The following AP1G1 variants were observed in gnomAD, a reference collection of about 807,000 sequenced individuals.
The protein encoded by AP1G1 is adaptor related protein complex 1 subunit gamma 1.
Under a neutral mutation model 108.3 loss-of-function variants are expected in AP1G1, and 7 were observed. The ratio of observed to expected loss-of-function variants is 0.06; its 90% CI spans 0.04 to 0.12. The LOEUF (loss-of-function observed/expected upper bound fraction) is 0.12. Among genes scored for constraint, AP1G1 ranks in the 10% least tolerant of loss-of-function variants. AP1G1 has a pLI of 1.00. For synonymous variants in AP1G1, 379 were observed against 353.5 expected (o/e 1.07, Z -0.81); for missense variants, 756 against 1,010.7 (o/e 0.75, Z 3.42).
chr16:71,773,087 T>C, intron 4 of AP1G1, 134 bp downstream of exon 4: 1 of 929,890 alleles, frequency 1.1e-6, no homozygotes, highest in Non-Finnish European at 1.7e-6. Flanking sequence ...TAATATATAA[T>C]CATGTAAAAC....
At chr16:71,764,597 C>G in intron 8 of AP1G1, 49 bp downstream of exon 8, 2 of 1,418,946 alleles carry the variant, frequency 1.4e-6, no homozygotes, top group Non-Finnish European at 1.9e-6. Flanking sequence ...TCATTCTACT[C>G]CCAGCGAAAC....
At chr16:71,758,578 T>A in intron 11 of AP1G1, 1 of 599,414 alleles carries the variant, frequency 1.7e-6, no homozygotes, top group South Asian at 1.6e-5. Flanking sequence ...CAGTGTGCAC[T>A]TAAGTATTCT....
intron 11 of AP1G1, 150 bp downstream of exon 11, chr16:71,758,658 G>C: frequency 1.6e-6 from 1 of 620,424 alleles, no homozygotes; most frequent in Non-Finnish European, 2.9e-6. Context: ...ACTGAGCAGA[G>C]TCCATCTGTG....
intron 1 of AP1G1, among the ~76,000 whole-genome samples, chr16:71,805,405 C>G (rs1212156447): frequency 6.6e-6 from 1 of 150,540 alleles, no homozygotes; most frequent in Non-Finnish European, 1.5e-5. Context: ...GAGCCGAGAT[C>G]GAGCCACTGC....
chr16:71,753,961 C>T (rs2030637880), intron 12 of AP1G1, 74 bp from the exon 13 acceptor site: 10 of 1,406,278 alleles, frequency 7.1e-6, no homozygotes, highest in Admixed American at 1.7e-5. Flanking sequence ...AAATCCTGCC[C>T]AAGCAGGGTG....
At chr16:71,808,477 AAAGTC>A in intron 1 of AP1G1, 1 of 1,230,002 alleles carries the variant, frequency 8.1e-7, no homozygotes, top group Non-Finnish European at 1.0e-6. Context: ...GCAGCCTGAG[AAAGTC>A]AAGGGTTCAA....
intron 1 of AP1G1, among the ~76,000 whole-genome samples, chr16:71,799,665 C>T (rs1222348400): frequency 4.0e-5 from 6 of 151,780 alleles, no homozygotes; most frequent in African/African-American, 7.3e-5. Flanking sequence ...CTTTGGGAGG[C>T]CAAGGTAGGC....
At chr16:71,760,536 A>C in intron 10 of AP1G1, among the ~76,000 whole-genome samples, 1 of 141,388 alleles carries the variant, frequency 7.1e-6, no homozygotes, top group African/African-American at 2.7e-5. Flanking sequence ...CAAGAGCGAA[A>C]CTCCATCTCA....
chr16:71,737,545 A>C (rs2145413415), intron 21 of AP1G1, among the ~76,000 whole-genome samples: 1 of 152,316 alleles, frequency 6.6e-6, no homozygotes, highest in Non-Finnish European at 1.5e-5. Context: ...TCAGCCTCCC[A>C]AATTGCTGGG....
chr16:71,793,737 T>C (rs1219230433), intron 1 of AP1G1, among the ~76,000 whole-genome samples: 3 of 152,280 alleles, frequency 2.0e-5, no homozygotes, highest in South Asian at 2.1e-4. Context: ...CAGGCTGGAG[T>C]GCAGTGGTGC....
intron 1 of AP1G1, among the ~76,000 whole-genome samples, chr16:71,800,412 TG>T (rs1467337653): frequency 2.0e-5 from 3 of 148,288 alleles, no homozygotes; most frequent in Non-Finnish European, 3.0e-5. Context: ...CCAGGCACGG[TG>T]GCTCACACCT....
chr16:71,771,921 T>TA (rs1190766790), intron 4 of AP1G1, among the ~76,000 whole-genome samples: 1 of 152,186 alleles, frequency 6.6e-6, no homozygotes, highest in Non-Finnish European at 1.5e-5. Flanking sequence ...GAAAAATACT[T>TA]AGTCTCTACT....
intron 17 of AP1G1, 65 bp from the exon 18 acceptor site, chr16:71,745,679 C>A: frequency 2.9e-6 from 4 of 1,362,318 alleles, no homozygotes; most frequent in Non-Finnish European, 4.2e-6. Context: ...AAAATAATCA[C>A]CATTAACTAT....
intron 6 of AP1G1, chr16:71,769,410 A>C (rs2031481445): frequency 5.8e-6 from 3 of 519,990 alleles, no homozygotes; most frequent in Non-Finnish European, 1.1e-5. Context: ...ATGAGAGAAG[A>C]CTTCTATTAT....
intron 6 of AP1G1, 128 bp from the exon 7 acceptor site, chr16:71,765,712 C>T (rs921686593): frequency 1.5e-6 from 1 of 687,384 alleles, no homozygotes. Context: ...ATTTAATATA[C>T]TAGTGTATTG....
chr16:71,749,048 A>G (rs2030343104), intron 15 of AP1G1, among the ~76,000 whole-genome samples: 1 of 152,060 alleles, frequency 6.6e-6, no homozygotes, highest in African/African-American at 2.4e-5. Flanking sequence ...CTGGGACTAC[A>G]GGTGCCTGCC....
chr16:71,755,305 C>T (rs1472689092), intron 12 of AP1G1, among the ~76,000 whole-genome samples: 35 of 152,010 alleles, frequency 2.3e-4, no homozygotes, highest in Non-Finnish European at 1.5e-5. Context: ...GGTGTGGTGG[C>T]GTAAGCCTAT....
At position 71,769,546 on chromosome 16, in the gene AP1G1, T is replaced by G. The variant is rs767629702; in HGVS notation, c.642+77A>C. Reference sequence around the variant, plus strand: ...TCCATAGCTTGCTTTCAAAAAAAAATAAGAAGAAAATCATGTACTTTTCAG... The same window carrying G: ...TCCATAGCTTGCTTTCAAAAAAAAAGAAGAAGAAAATCATGTACTTTTCAG... On this transcript the variant is annotated intron_variant, in intron 6 of 22. Transcript: ENST00000299980. 4.3e-6 allele frequency: 6 copies of G among 1,380,270 alleles called. No homozygotes were observed. The Admixed American group carries it at 5.1e-5, about 12-fold the overall frequency. The allele number at this position is 1,380,270 out of a possible 1,614,324, so 85.5% of individuals were successfully genotyped here.
chr16:71,794,412 T>G (rs1293107345), intron 1 of AP1G1, among the ~76,000 whole-genome samples: 1 of 152,162 alleles, frequency 6.6e-6, no homozygotes, highest in Non-Finnish European at 1.5e-5. Context: ...TAAAAACATC[T>G]CTTAAAACAA....
Sources: allele counts gnomAD v4.1 joint callset (sites outside exome capture counted in the v4.1 genomes callset), GRCh38; gene constraint gnomAD v4.1.1; transcripts MANE v1.5; gene names NCBI Gene and HGNC (gene_info 2026-07-23, HGNC 2026-07-21).